The following HMGB1 variants were observed in gnomAD, a reference collection of about 807,000 sequenced individuals.
HMGB1 encodes the protein high mobility group protein B1.
For synonymous variants in HMGB1, 81 were observed against 84.0 expected, an observed-to-expected ratio of 0.96 and a Z score of 0.19; for missense variants, 79 against 253.5, an observed-to-expected ratio of 0.31 and a Z score of 4.67.
At chr13:30,534,703 G>A (rs886690078) in intron 1 of HMGB1, among the ~76,000 whole-genome samples, 7 of 142,004 alleles carry the variant, frequency 4.9e-5, no homozygotes, top group South Asian at 2.3e-4. Context: ...TCAGCCTCCC[G>A]AGCAGCTGGG....
chr13:30,588,557 G>C (rs368793681), intron 1 of HMGB1, among the ~76,000 whole-genome samples: 1 of 152,234 alleles, frequency 6.6e-6, no homozygotes, highest in South Asian at 2.1e-4. Context: ...TTAAGATAGT[G>C]CTTGGACACA....
chr13:30,461,417 A>C lies in HMGB1; in HGVS notation c.588T>G (p.Asp196Glu), dbSNP rs1026945082. The change falls in exon 5 of 5, where the codon GAT (aspartate) becomes GAG (glutamate). Residue 196 changes from aspartate (D) to glutamate (E), a missense_variant. Physicochemically the swap from Asp to Glu is conservative, Grantham distance 45 (BLOSUM62 2). Coordinates refer to ENST00000341423, the MANE Select transcript of HMGB1 (RefSeq NM_002128.7). ...EEEEDEEDEE[D>E]EEEEEDEEDE... ...CTTCTTCATCTTCCTCCTCCTCCTC[A>C]TCCTCTTCATCTTCCTCATCTTCCT... 28 of 1,597,710 alleles carry C rather than the reference A, an allele frequency of 1.8e-5. No individual in the cohort carries two copies. In the African/African-American group the frequency reaches 2.0e-4, roughly 12 times the overall value.
intron 1 of HMGB1, among the ~76,000 whole-genome samples, chr13:30,528,716 C>T (rs980603471): frequency 4.6e-5 from 7 of 152,058 alleles, no homozygotes; most frequent in African/African-American, 1.7e-4. Flanking sequence ...GAAACATCCT[C>T]AACTGAAGTT....
At chr13:30,534,247 C>T (rs1252235115) in intron 1 of HMGB1, among the ~76,000 whole-genome samples, 1 of 152,204 alleles carries the variant, frequency 6.6e-6, no homozygotes, top group African/African-American at 2.4e-5. Context: ...CCTTCCTGAG[C>T]TGGTCCCATT....
At position 30,592,875 on chromosome 13, in the gene HMGB1, A is replaced by ATTTT. The variant is rs1408660104; in HGVS notation, c.-15+23795_-15+23796insAAAA. Among the ~76,000 whole-genome samples the ATTTT allele has an allele frequency of 8.6e-3, 1,307 of 151,698 alleles. 22 individuals are homozygous for ATTTT. The highest frequency in any genetic ancestry group is 0.03 in the African/African-American group (1,235 of 41,238). ...TTAAAATTTAGTGCTTTTTTTTAAAAAAAAAAAAAAAGCGAATCCCTGGGA... is the reference window on the plus strand; with the variant it reads ...TTAAAATTTAGTGCTTTTTTTTAAAATTTTAAAAAAAAAAAGCGAATCCCTGGGA... On this transcript the variant is annotated intron_variant, in intron 1 of 4. Transcript: ENST00000405805.
rs573439471 is a variant in HMGB1, at chr13:30,492,146, C to T, written c.-14-28452G>A. ...TTGCACCACTGCACTCCAGCCTGGGCGATGAGCAAGACTCCCTCTAAAAAA... is the reference window on the plus strand; with the variant it reads ...TTGCACCACTGCACTCCAGCCTGGGTGATGAGCAAGACTCCCTCTAAAAAA... On this transcript the variant is annotated intron_variant, in intron 1 of 4. Coordinates refer to the HMGB1 transcript ENST00000405805. 8.7e-5 allele frequency among the ~76,000 whole-genome samples: 13 copies of T among 148,736 alleles called. No individual in the cohort carries two copies. The South Asian group carries it at 2.3e-3, about 27-fold the overall frequency.
chr13:30,592,545 G>C (rs955252610), intron 1 of HMGB1, among the ~76,000 whole-genome samples: 1 of 152,060 alleles, frequency 6.6e-6, no homozygotes, highest in African/African-American at 2.4e-5. Flanking sequence ...TTTATTTCCA[G>C]GTTTAAGTTA....
intron 1 of HMGB1, among the ~76,000 whole-genome samples, chr13:30,473,200 G>A (rs991535595): frequency 6.6e-6 from 1 of 152,090 alleles, no homozygotes; most frequent in African/African-American, 2.4e-5. Context: ...GCCTCAGCCC[G>A]AGTTTTCCGG....
At chr13:30,586,931 T>C (rs1593328840) in intron 1 of HMGB1, among the ~76,000 whole-genome samples, 1 of 152,310 alleles carries the variant, frequency 6.6e-6, no homozygotes, top group South Asian at 2.1e-4. Flanking sequence ...TATTCATATA[T>C]TGAATAAATG....
chr13:30,543,115 AGGTTT>A (rs1868974112), intron 1 of HMGB1: 1 of 109,152 alleles, frequency 9.2e-6, no homozygotes, highest in South Asian at 3.2e-4. Context: ...TGCCTGTTCC[AGGTTT>A]TTTTTTTTTT....
chr13:30,608,993 G>C (rs1950486901), intron 1 of HMGB1, among the ~76,000 whole-genome samples: 1 of 151,812 alleles, frequency 6.6e-6, no homozygotes, highest in Non-Finnish European at 1.5e-5. Flanking sequence ...CGGGCGCGGC[G>C]GCTCACGCCT....
At chr13:30,554,586 A>T in intron 1 of HMGB1, 1 of 772,008 alleles carries the variant, frequency 1.3e-6, no homozygotes, top group East Asian at 2.4e-5. Flanking sequence ...CATTCACCGA[A>T]CAAAATAATG....
intron 1 of HMGB1, among the ~76,000 whole-genome samples, chr13:30,526,179 C>T (rs1257504402): frequency 6.6e-6 from 1 of 152,148 alleles, no homozygotes; most frequent in Admixed American, 6.5e-5. Flanking sequence ...GCCTCAGTCT[C>T]CTGAGTAGCT....
chr13:30,560,540 G>A (rs1437122349), intron 1 of HMGB1, among the ~76,000 whole-genome samples: 1 of 152,158 alleles, frequency 6.6e-6, no homozygotes, highest in African/African-American at 2.4e-5. Context: ...GAGTCGAGGG[G>A]CTGTTTTTCC....
At chr13:30,500,536 A>AT (rs60691018) in intron 1 of HMGB1, among the ~76,000 whole-genome samples, 3,129 of 128,172 alleles carry the variant, frequency 0.024, 179 homozygotes, top group African/African-American at 0.097. Context: ...CACCTGGCTA[A>AT]TTTTTTTTTT....
At chr13:30,514,956 G>A (rs1177416938) in intron 1 of HMGB1, among the ~76,000 whole-genome samples, 2 of 152,146 alleles carry the variant, frequency 1.3e-5, no homozygotes, top group Non-Finnish European at 2.9e-5. Flanking sequence ...TGAGTATGAC[G>A]AGAGTTGACT....
intron 1 of HMGB1, among the ~76,000 whole-genome samples, chr13:30,590,529 C>T (rs1355582757): frequency 3.3e-5 from 5 of 152,054 alleles, no homozygotes; most frequent in Non-Finnish European, 5.9e-5. Context: ...TAGCCACGTG[C>T]GGGTAGTGGC....
chr13:30,608,916 T>C (rs1051255160), intron 1 of HMGB1, among the ~76,000 whole-genome samples: 1 of 152,238 alleles, frequency 6.6e-6, no homozygotes, highest in African/African-American at 2.4e-5. Flanking sequence ...TATAGTATAT[T>C]TGAGGTTTAA....
chr13:30,592,174 A>T (rs1026508250), intron 1 of HMGB1, among the ~76,000 whole-genome samples: 5 of 129,144 alleles, frequency 3.9e-5, no homozygotes, highest in African/African-American at 7.9e-5. Flanking sequence ...CCACAAAATT[A>T]AAAAAAAAAC....
Sources: allele counts gnomAD v4.1 joint callset (sites outside exome capture counted in the v4.1 genomes callset), GRCh38; gene constraint gnomAD v4.1.1; transcripts MANE v1.5; gene names NCBI Gene and HGNC (gene_info 2026-07-23, HGNC 2026-07-21).